The following NDUFS4 variants were observed in gnomAD, a reference collection of about 807,000 sequenced individuals.
The protein encoded by NDUFS4 is NADH:ubiquinone oxidoreductase subunit S4.
NDUFS4 carries 28 observed loss-of-function variants against 24.3 expected under a neutral mutation model. That is an observed-to-expected ratio of 1.15 (90% CI 0.85 to 1.58). The LOEUF is 1.58. Ranked by LOEUF, NDUFS4 falls within the 40% of genes most tolerant of loss-of-function variation. NDUFS4 has a pLI of 0.00. For missense variants in NDUFS4, 223 were observed against 207.9 expected (o/e 1.07, Z -0.45); for synonymous variants, 93 against 69.7 (o/e 1.34, Z -1.67).
intron 4 of NDUFS4, among the ~76,000 whole-genome samples, chr5:53,679,280 A>G (rs1255672411): frequency 1.3e-5 from 2 of 152,138 alleles, no homozygotes; most frequent in African/African-American, 4.8e-5. Flanking sequence ...AACAATCATG[A>G]GTGGTCAGTG....
chr5:53,676,162 T>C (rs1740462637), intron 4 of NDUFS4, among the ~76,000 whole-genome samples: 1 of 152,166 alleles, frequency 6.6e-6, no homozygotes, highest in Non-Finnish European at 1.5e-5. Context: ...TAAAGAAATG[T>C]TGAGATGAGT....
intron 3 of NDUFS4, among the ~76,000 whole-genome samples, chr5:53,648,749 C>G (rs1159907138): frequency 6.6e-6 from 1 of 152,128 alleles, no homozygotes; most frequent in East Asian, 1.9e-4. Context: ...GACTGCCCTC[C>G]TTTGCAACCA....
At chr5:53,603,068 T>C (rs141936493) in intron 1 of NDUFS4, among the ~76,000 whole-genome samples, 69 of 152,294 alleles carry the variant, frequency 4.5e-4, no homozygotes, top group African/African-American at 1.5e-3. Context: ...TCTTTTCGTT[T>C]CTGATGCCAT....
chr5:53,585,639 G>A (rs1421271706), intron 1 of NDUFS4, among the ~76,000 whole-genome samples: 1 of 152,098 alleles, frequency 6.6e-6, no homozygotes, highest in African/African-American at 2.4e-5. Context: ...CTACTTGGAA[G>A]GCTGAGGCAG....
intron 2 of NDUFS4, among the ~76,000 whole-genome samples, chr5:53,603,934 A>G (rs1040144469): frequency 2.0e-5 from 3 of 152,126 alleles, no homozygotes; most frequent in African/African-American, 7.2e-5. Flanking sequence ...TATTATCACT[A>G]TATGTATATA....
intron 2 of NDUFS4, among the ~76,000 whole-genome samples, chr5:53,617,016 T>G (rs934671635): frequency 2.0e-5 from 3 of 152,186 alleles, no homozygotes; most frequent in African/African-American, 7.2e-5. Flanking sequence ...AACTCATCTC[T>G]CTAATTCTCC....
intron 4 of NDUFS4, among the ~76,000 whole-genome samples, chr5:53,670,800 T>C (rs575978842): frequency 3.3e-4 from 50 of 151,596 alleles, no homozygotes; most frequent in Admixed American, 7.9e-4. Context: ...GAAACTCTTA[T>C]GTTACTTATA....
chr5:53,618,665 T>C (rs1027404257), intron 2 of NDUFS4, among the ~76,000 whole-genome samples: 7 of 152,220 alleles, frequency 4.6e-5, no homozygotes, highest in Non-Finnish European at 1.0e-4. Context: ...CTTTAATTGG[T>C]AGATAGGTGT....
intron 3 of NDUFS4, among the ~76,000 whole-genome samples, chr5:53,648,698 T>C: frequency 6.6e-6 from 1 of 152,192 alleles, no homozygotes; most frequent in Admixed American, 6.5e-5. Flanking sequence ...TGGTGGCTTC[T>C]GCTGACATCT....
intron 1 of NDUFS4, among the ~76,000 whole-genome samples, chr5:53,579,462 A>C (rs922220515): frequency 6.6e-6 from 1 of 152,186 alleles, no homozygotes; most frequent in African/African-American, 2.4e-5. Context: ...TTCATGTCCT[A>C]ATCCCCAGAA....
intron 2 of NDUFS4, among the ~76,000 whole-genome samples, chr5:53,636,306 A>T (rs1240586304): frequency 1.3e-5 from 2 of 152,192 alleles, no homozygotes; most frequent in Non-Finnish European, 2.9e-5. Flanking sequence ...AGTTTCTATC[A>T]ATTTATCCAG....
At chr5:53,625,728 A>G (rs1308827155) in intron 2 of NDUFS4, among the ~76,000 whole-genome samples, 1 of 141,416 alleles carries the variant, frequency 7.1e-6, no homozygotes, top group Non-Finnish European at 1.5e-5. Context: ...ATTATTCTGC[A>G]GAAATTTTTG....
At chr5:53,632,336 G>A (rs1396402174) in intron 2 of NDUFS4, among the ~76,000 whole-genome samples, 1 of 152,160 alleles carries the variant, frequency 6.6e-6, no homozygotes, top group Non-Finnish European at 1.5e-5. Context: ...CATTGTATGG[G>A]CAGTCATAGA....
chr5:53,647,698 A>G (rs1309312983), intron 3 of NDUFS4, among the ~76,000 whole-genome samples: 1 of 152,222 alleles, frequency 6.6e-6, no homozygotes, highest in East Asian at 1.9e-4. Flanking sequence ...TGTCATTCGT[A>G]TTGAAACTCT....
chr5:53,651,181 A>G (rs1240730489), intron 3 of NDUFS4, among the ~76,000 whole-genome samples: 1 of 152,092 alleles, frequency 6.6e-6, no homozygotes, highest in Non-Finnish European at 1.5e-5. Context: ...ATGAAAAAAT[A>G]TAAGAATAAA....
At position 53,646,501 on chromosome 5, in the gene NDUFS4, T is replaced by A. The variant is rs1751869589; in HGVS notation, c.350+96T>A. On this transcript the variant is annotated intron_variant, in intron 3 of 4. Coordinates refer to ENST00000296684, the MANE Select transcript of NDUFS4 (RefSeq NM_002495.4). ...TTTTCAAACTCTTTTATGTACAATA[T>A]GCTTATGACAGTACTTTTTGACGCT... 5 of 1,287,316 alleles carry A rather than the reference T, an allele frequency of 3.9e-6. No individual in the cohort carries two copies. In the Admixed American group the frequency reaches 8.6e-5, roughly 22 times the overall value. 79.7% of individuals were successfully genotyped at this position (1,287,316 alleles called of 1,614,324 possible).
intron 1 of NDUFS4, among the ~76,000 whole-genome samples, chr5:53,567,482 T>C (rs1749070316): frequency 6.6e-6 from 1 of 152,202 alleles, no homozygotes; most frequent in South Asian, 2.1e-4. Flanking sequence ...TGTAATTATT[T>C]TTGGTAAGGG....
At chr5:53,580,391 T>C (rs1446478558) in intron 1 of NDUFS4, among the ~76,000 whole-genome samples, 2 of 152,244 alleles carry the variant, frequency 1.3e-5, no homozygotes, top group African/African-American at 2.4e-5. Context: ...AGAGATAGTA[T>C]GTGAGTCTCC....
intron 1 of NDUFS4, among the ~76,000 whole-genome samples, chr5:53,584,760 A>G (rs1293027078): frequency 7.4e-6 from 1 of 134,876 alleles, no homozygotes; most frequent in African/African-American, 2.7e-5. Flanking sequence ...GCATAACTAA[A>G]AATGTTTTCT....
Sources: gnomAD v4.1 joint callset for allele counts (sites outside exome capture counted in the v4.1 genomes callset) on GRCh38, gnomAD v4.1.1 for gene constraint, MANE v1.5 for transcripts, NCBI Gene and HGNC (gene_info 2026-07-23, HGNC 2026-07-21) for gene names.